KDM6A: variants seen among roughly 807,000 people sequenced by gnomAD.
KDM6A encodes lysine demethylase 6A.
KDM6A carries 11 observed loss-of-function variants against 117.6 expected under a neutral mutation model. The ratio of observed to expected loss-of-function variants is 0.09; its 90% CI spans 0.06 to 0.15. The LOEUF is 0.15. Ranked by LOEUF, KDM6A falls within the 10% of genes least tolerant of loss-of-function variation. The pLI, the probability that KDM6A is intolerant of heterozygous loss-of-function variation, is 1.00. For synonymous variants in KDM6A, 384 were observed against 396.1 expected (o/e 0.97, Z 0.36); for missense variants, 799 against 1,077.3 (o/e 0.74, Z 3.62).
intron 4 of KDM6A, among the ~76,000 whole-genome samples, chrX:45,004,123 T>C (rs1298759169): frequency 9.0e-6 from 1 of 110,796 alleles, no homozygotes. Context: ...CATCCTCTCT[T>C]GAAGTGGCCT....
At position 45,061,428 on chromosome X, in the gene KDM6A, G is replaced by A. The variant is rs1602799974; in HGVS notation, c.1581+9G>A. The A allele has an allele frequency of 1.1e-6, 1 of 906,894 alleles. No homozygotes were observed. Among genetic ancestry groups the A allele is most frequent in the Non-Finnish European group, 1.5e-6 (1 of 647,667 alleles). The allele number at this position is 906,894 out of a possible 1,213,427, so 74.7% of individuals were successfully genotyped here. On this transcript the variant is annotated intron_variant, in intron 15 of 29. Transcript: ENST00000611820. ...CACCACAGAAATTACAGGTATGTAA[G>A]ATGTTTTTGACAAATTGTTTATTAA...
intron 8 of KDM6A, among the ~76,000 whole-genome samples, chrX:45,044,771 C>G (rs1421130194): frequency 9.0e-6 from 1 of 111,610 alleles, no homozygotes; most frequent in Admixed American, 9.5e-5. Flanking sequence ...GTACAGTTAA[C>G]TAATTTAACT....
At chrX:45,106,886 G>A (rs751616488) in intron 27 of KDM6A, 3 of 194,558 alleles carry the variant, frequency 1.5e-5, no homozygotes, top group Non-Finnish European at 2.8e-5. Flanking sequence ...ATCCTGTAGT[G>A]ACTAAATTCA....
At chrX:45,026,802 G>T (rs1210592858) in intron 6 of KDM6A, among the ~76,000 whole-genome samples, 2 of 100,285 alleles carry the variant, frequency 2.0e-5, no homozygotes, top group East Asian at 3.0e-4. Flanking sequence ...TTGCACTCCA[G>T]CCTGGGCAAC....
chrX:44,966,316 A>G (rs1360507809), intron 3 of KDM6A, among the ~76,000 whole-genome samples: 1 of 108,910 alleles, frequency 9.2e-6, no homozygotes, highest in Non-Finnish European at 1.9e-5. Flanking sequence ...TATTTTTTGT[A>G]CTTTTTTTAG....
At chrX:45,040,864 C>T (rs1323420785) in intron 8 of KDM6A, among the ~76,000 whole-genome samples, 6 of 76,290 alleles carry the variant, frequency 7.9e-5, no homozygotes, top group African/African-American at 1.6e-4. Flanking sequence ...GCTGGCCGGG[C>T]GGGGGGCTGA....
intron 15 of KDM6A, 62 bp downstream of exon 15, chrX:45,061,481 TA>T: frequency 6.5e-6 from 3 of 459,451 alleles, no homozygotes; most frequent in East Asian, 4.5e-5. Context: ...AAACAAGTAT[TA>T]ATTTTTTTTT....
intron 2 of KDM6A, among the ~76,000 whole-genome samples, chrX:44,906,945 A>G (rs901863524): frequency 4.5e-5 from 5 of 111,457 alleles, no homozygotes; most frequent in Non-Finnish European, 3.8e-5. Context: ...CTTATTTATC[A>G]TCACATTTCA....
chrX:44,971,814 A>G (rs891521463), intron 3 of KDM6A, among the ~76,000 whole-genome samples: 2 of 111,372 alleles, frequency 1.8e-5, no homozygotes, highest in African/African-American at 6.5e-5. Context: ...TATGCTTCCC[A>G]CGACCTCCCC....
At chrX:44,920,489 A>T (rs1307451517) in intron 2 of KDM6A, among the ~76,000 whole-genome samples, 2 of 107,469 alleles carry the variant, frequency 1.9e-5, no homozygotes, top group Non-Finnish European at 3.8e-5. Context: ...CCCAGGCTGG[A>T]GTGCAGTGGC....
chrX:44,919,337 C>T (rs140566863), intron 2 of KDM6A, among the ~76,000 whole-genome samples: 2,576 of 110,591 alleles, frequency 0.023, 78 homozygotes, highest in African/African-American at 0.082. Context: ...TTTTTGATGA[C>T]CTTAGTTTTG....
At chrX:45,042,307 G>T (rs2043302653) in intron 8 of KDM6A, among the ~76,000 whole-genome samples, 1 of 80,620 alleles carries the variant, frequency 1.2e-5, no homozygotes, top group Non-Finnish European at 2.2e-5. Context: ...AGGGGAGAGG[G>T]AGAGTCATTT....
intron 6 of KDM6A, among the ~76,000 whole-genome samples, chrX:45,021,459 T>A (rs2042168297): frequency 9.0e-6 from 1 of 111,649 alleles, no homozygotes; most frequent in Non-Finnish European, 1.9e-5. Context: ...GTTTATTGTT[T>A]ATAATGGTTG....
chrX:45,040,318 G>A (rs2043026068), intron 8 of KDM6A, among the ~76,000 whole-genome samples: 1 of 95,616 alleles, frequency 1.0e-5, no homozygotes, highest in African/African-American at 3.9e-5. Context: ...GCCGGGCAGA[G>A]GGGTCCTCAC....
intron 25 of KDM6A, 93 bp from the exon 26 acceptor site, chrX:45,089,650 G>A: frequency 1.6e-6 from 1 of 624,795 alleles, no homozygotes. Flanking sequence ...ATGAACAAGT[G>A]TTTATTTAAA....
intron 27 of KDM6A, among the ~76,000 whole-genome samples, chrX:45,100,779 ATTATT>A (rs1419555308): frequency 1.8e-5 from 2 of 110,213 alleles, no homozygotes; most frequent in Non-Finnish European, 3.8e-5. Flanking sequence ...TTCTTGTCAT[ATTATT>A]TTGTTATTCT....
At chrX:45,040,242 A>C (rs2043016003) in intron 8 of KDM6A, among the ~76,000 whole-genome samples, 1 of 91,754 alleles carries the variant, frequency 1.1e-5, no homozygotes, top group African/African-American at 4.1e-5. Context: ...CACCTCCTGG[A>C]TAGGGCGGCT....
chrX:44,902,331 AT>A (rs759027645), intron 2 of KDM6A, among the ~76,000 whole-genome samples: 2 of 110,474 alleles, frequency 1.8e-5, no homozygotes, highest in Admixed American at 9.6e-5. Context: ...TACATCTGCC[AT>A]TTTACTGTTT....
At chrX:44,930,461 G>A (rs1235526977) in intron 2 of KDM6A, among the ~76,000 whole-genome samples, 2 of 111,666 alleles carry the variant, frequency 1.8e-5, no homozygotes, top group Non-Finnish European at 3.8e-5. Context: ...GCTTCTCTAA[G>A]TAGCTATATT....
Sources: allele counts gnomAD v4.1 joint callset (sites outside exome capture counted in the v4.1 genomes callset), GRCh38; gene constraint gnomAD v4.1.1; transcripts MANE v1.5; gene names NCBI Gene and HGNC (gene_info 2026-07-23, HGNC 2026-07-21).